The following RARB variants were observed in gnomAD, a reference collection of about 807,000 sequenced individuals.
RARB encodes retinoic acid receptor beta.
In RARB, 17 loss-of-function variants were observed where a neutral mutation model predicts 51.9. That is an observed-to-expected ratio of 0.33 (90% CI 0.22 to 0.49). The LOEUF is 0.49. Among genes scored for constraint, RARB ranks in the 20% least tolerant of loss-of-function variants. The probability of loss-of-function intolerance (pLI) is 0.99; values close to 1 mark genes in which losing one functional copy is unlikely to be tolerated. For missense variants in RARB, 369 were observed against 550.8 expected (o/e 0.67, Z 3.30); for synonymous variants, 215 against 195.4 (o/e 1.10, Z -0.84).
chr3:25,475,299 A>G (rs6792035), intron 2 of RARB, among the ~76,000 whole-genome samples: 6,447 of 152,232 alleles, frequency 0.042, 224 homozygotes, highest in East Asian at 0.2. Flanking sequence ...GTACACTATC[A>G]GAAATATGAG....
intron 5 of RARB, among the ~76,000 whole-genome samples, chr3:25,371,483 G>A (rs1177064650): frequency 6.6e-6 from 1 of 152,180 alleles, no homozygotes; most frequent in Non-Finnish European, 1.5e-5. Flanking sequence ...ATTATTAAGA[G>A]CAAAATATCT....
At chr3:25,125,013 T>A (rs917988066) in intron 3 of RARB, among the ~76,000 whole-genome samples, 1 of 152,224 alleles carries the variant, frequency 6.6e-6, no homozygotes, top group Non-Finnish European at 1.5e-5. Flanking sequence ...CTGATAAAAA[T>A]TCTTGATTGA....
intron 5 of RARB, among the ~76,000 whole-genome samples, chr3:25,285,154 A>G (rs1049133048): frequency 6.6e-6 from 1 of 152,218 alleles, no homozygotes; most frequent in Non-Finnish European, 1.5e-5. Flanking sequence ...TGAATATATA[A>G]TTAAAACCTG....
At chr3:25,136,245 A>G (rs994478358) in intron 4 of RARB, among the ~76,000 whole-genome samples, 1 of 152,052 alleles carries the variant, frequency 6.6e-6, no homozygotes, top group East Asian at 1.9e-4. Flanking sequence ...ACTCTTGAAG[A>G]TAGTATGTGC....
chr3:24,850,801 G>A (rs1001275026), intron 1 of RARB, among the ~76,000 whole-genome samples: 62 of 152,278 alleles, frequency 4.1e-4, no homozygotes, highest in African/African-American at 1.4e-3. Context: ...CAAGGATGAG[G>A]CCTGAAATTC....
chr3:25,559,111 C>T (rs1700169735), intron 3 of RARB, among the ~76,000 whole-genome samples: 2 of 152,124 alleles, frequency 1.3e-5, no homozygotes, highest in Admixed American at 6.5e-5. Context: ...TTAAAGGCCA[C>T]CGCAAACCTA....
At chr3:24,959,102 G>A (rs113220155) in intron 2 of RARB, among the ~76,000 whole-genome samples, 16 of 152,334 alleles carry the variant, frequency 1.1e-4, no homozygotes, top group African/African-American at 3.6e-4. Context: ...CGCTCTTTTA[G>A]CTCTGGCATC....
At chr3:24,895,926 G>A (rs1311641734) in intron 2 of RARB, among the ~76,000 whole-genome samples, 1 of 152,102 alleles carries the variant, frequency 6.6e-6, no homozygotes, top group Non-Finnish European at 1.5e-5. Flanking sequence ...GTTTATTGCA[G>A]CATTATTCAC....
intron 5 of RARB, among the ~76,000 whole-genome samples, chr3:25,403,972 T>C (rs1200237742): frequency 1.3e-5 from 2 of 151,704 alleles, no homozygotes; most frequent in African/African-American, 4.8e-5. Context: ...AACTTTTTAC[T>C]GAATATTTCA....
chr3:24,912,335 A>AT (rs1695006107), intron 2 of RARB, among the ~76,000 whole-genome samples: 1 of 152,186 alleles, frequency 6.6e-6, no homozygotes, highest in Non-Finnish European at 1.5e-5. Flanking sequence ...AAAAGGATTC[A>AT]TGTACCCGTT....
chr3:25,184,822 T>C (rs1160146753), intron 5 of RARB, among the ~76,000 whole-genome samples: 1 of 151,890 alleles, frequency 6.6e-6, no homozygotes, highest in Non-Finnish European at 1.5e-5. Flanking sequence ...AGCTCAGGAG[T>C]TAGAGACCAC....
At chr3:25,204,490 G>C (rs796679201) in intron 5 of RARB, among the ~76,000 whole-genome samples, 10 of 152,276 alleles carry the variant, frequency 6.6e-5, no homozygotes, top group African/African-American at 2.2e-4. Context: ...CTTTAGAGGA[G>C]GAGAGGCACT....
rs528320560 is a variant in RARB, at chr3:25,280,432, C to G, written c.178+105857C>G. Among the ~76,000 whole-genome samples, 5 of 152,260 alleles carry G rather than the reference C, an allele frequency of 3.3e-5. No homozygotes were observed. In the East Asian group the frequency reaches 9.7e-4, roughly 29 times the overall value. On this transcript the variant is annotated intron_variant, in intron 5 of 11. Transcript: ENST00000383772. ...GCCAAGGTGCCATAATTTGGGGTAG[C>G]ATGTCCTGAACCCCATCAGAGTGAA...
At chr3:25,254,987 G>A (rs1387532196) in intron 5 of RARB, among the ~76,000 whole-genome samples, 1 of 152,088 alleles carries the variant, frequency 6.6e-6, no homozygotes, top group Admixed American at 6.6e-5. Flanking sequence ...TGACACCTAC[G>A]ACATTCTCAA....
chr3:25,237,478 T>C (rs1702330993), intron 5 of RARB, among the ~76,000 whole-genome samples: 1 of 152,178 alleles, frequency 6.6e-6, no homozygotes, highest in Non-Finnish European at 1.5e-5. Context: ...AAACAGTTTT[T>C]TGTTTTACAT....
intron 5 of RARB, among the ~76,000 whole-genome samples, chr3:25,199,210 C>G (rs931862529): frequency 6.6e-6 from 1 of 151,768 alleles, no homozygotes; most frequent in African/African-American, 2.4e-5. Context: ...AGATAAACAT[C>G]ACATGGTCTC....
chr3:25,533,617 A>T (rs538407354), intron 3 of RARB, among the ~76,000 whole-genome samples: 2 of 152,198 alleles, frequency 1.3e-5, no homozygotes, highest in South Asian at 4.1e-4. Flanking sequence ...TGCAAACGAT[A>T]TATCTAGGTT....
At chr3:25,537,074 A>T (rs538008649) in intron 3 of RARB, among the ~76,000 whole-genome samples, 1 of 152,260 alleles carries the variant, frequency 6.6e-6, no homozygotes, top group East Asian at 1.9e-4. Context: ...CAGGTTGCTG[A>T]GGAGGGGCCT....
intron 5 of RARB, among the ~76,000 whole-genome samples, chr3:25,288,348 G>T (rs1279200691): frequency 6.6e-6 from 1 of 151,860 alleles, no homozygotes; most frequent in Non-Finnish European, 1.5e-5. Flanking sequence ...CCATGAAGCA[G>T]TTAATCGCTT....
Sources: allele counts gnomAD v4.1 joint callset (sites outside exome capture counted in the v4.1 genomes callset), GRCh38; gene constraint gnomAD v4.1.1; transcripts MANE v1.5; gene names NCBI Gene and HGNC (gene_info 2026-07-23, HGNC 2026-07-21).